WWC1: variants seen among roughly 807,000 people sequenced by gnomAD.
The protein encoded by WWC1 is protein KIBRA.
Under a neutral mutation model 138.4 loss-of-function variants are expected in WWC1, and 55 were observed. The ratio of observed to expected loss-of-function variants is 0.40; its 90% CI spans 0.32 to 0.50. WWC1 has a LOEUF of 0.50. WWC1 is among the 20% of genes least tolerant of loss of function. The pLI, the probability that WWC1 is intolerant of heterozygous loss-of-function variation, is 0.72. For missense variants in WWC1, 1,226 were observed against 1,420.4 expected, an observed-to-expected ratio of 0.86 and a Z score of 2.20; for synonymous variants, 524 against 564.9, an observed-to-expected ratio of 0.93 and a Z score of 1.03.
intron 7 of WWC1, among the ~76,000 whole-genome samples, chr5:168,409,200 T>C (rs1264681634): frequency 6.6e-6 from 1 of 152,178 alleles, no homozygotes; most frequent in African/African-American, 2.4e-5. Flanking sequence ...TCGTAACTTT[T>C]GGAGAGCTTT....
intron 9 of WWC1, among the ~76,000 whole-genome samples, chr5:168,419,104 C>T (rs916842731): frequency 5.3e-5 from 8 of 152,134 alleles, no homozygotes; most frequent in African/African-American, 1.7e-4. Flanking sequence ...TACTGCAGGG[C>T]GTGTGCTGGG....
At chr5:168,403,782 C>T (rs1028474514) in intron 5 of WWC1, among the ~76,000 whole-genome samples, 3 of 151,838 alleles carry the variant, frequency 2.0e-5, no homozygotes, top group Admixed American at 2.0e-4. Context: ...CAGCCTTTGC[C>T]CCACCTCTCT....
chr5:168,468,021 G>A (rs1267542882), intron 22 of WWC1, 57 bp downstream of exon 22: 2 of 1,605,696 alleles, frequency 1.2e-6, no homozygotes, highest in African/African-American at 2.7e-5. Context: ...CACGGCCTTA[G>A]TCTTCTGTCT....
At chr5:168,411,149 A>G (rs529677166) in intron 8 of WWC1, among the ~76,000 whole-genome samples, 1 of 152,030 alleles carries the variant, frequency 6.6e-6, no homozygotes, top group Non-Finnish European at 1.5e-5. Context: ...GGATGGTCTC[A>G]GTCTCCTGAC....
chr5:168,341,834 A>G (rs1240460240), intron 1 of WWC1, among the ~76,000 whole-genome samples: 1 of 152,212 alleles, frequency 6.6e-6, no homozygotes. Context: ...TCACCCACAG[A>G]TAACGGAAGA....
intron 1 of WWC1, among the ~76,000 whole-genome samples, chr5:168,369,561 C>T (rs1271162570): frequency 3.3e-5 from 5 of 152,198 alleles, no homozygotes; most frequent in African/African-American, 4.8e-5. Context: ...TACCACCATA[C>T]CCGGCTAATT....
intron 2 of WWC1, among the ~76,000 whole-genome samples, chr5:168,382,895 G>T (rs1777754958): frequency 6.6e-6 from 1 of 152,124 alleles, no homozygotes; most frequent in South Asian, 2.1e-4. Flanking sequence ...TTGGTCCTAG[G>T]CTGGGCACAG....
At chr5:168,328,801 C>T (rs1772786233) in intron 1 of WWC1, among the ~76,000 whole-genome samples, 1 of 152,154 alleles carries the variant, frequency 6.6e-6, no homozygotes, top group Non-Finnish European at 1.5e-5. Context: ...TCCCAAAGTG[C>T]TGAGATTACA....
At chr5:168,310,566 G>A (rs985901087) in intron 1 of WWC1, among the ~76,000 whole-genome samples, 2 of 152,060 alleles carry the variant, frequency 1.3e-5, no homozygotes, top group African/African-American at 2.4e-5. Flanking sequence ...GGCACAGAGT[G>A]GCTCATGCCT....
intron 1 of WWC1, among the ~76,000 whole-genome samples, chr5:168,314,782 G>A (rs1771428566): frequency 6.6e-6 from 1 of 152,172 alleles, no homozygotes; most frequent in African/African-American, 2.4e-5. Flanking sequence ...TTCACGGGCT[G>A]CAGAGAGAGT....
intron 1 of WWC1, among the ~76,000 whole-genome samples, chr5:168,370,777 C>A (rs6891744): frequency 0.2 from 30,179 of 152,148 alleles, 3,303 homozygotes; most frequent in East Asian, 0.41. Flanking sequence ...TTGATCCCCA[C>A]AAGATGGGGA....
At chr5:168,307,751 C>G (rs781464632) in intron 1 of WWC1, among the ~76,000 whole-genome samples, 8 of 151,800 alleles carry the variant, frequency 5.3e-5, no homozygotes, top group Non-Finnish European at 8.8e-5. Flanking sequence ...ACTACAGGTG[C>G]CTGCCACCAC....
At chr5:168,465,278 C>T (rs909385715) in intron 21 of WWC1, among the ~76,000 whole-genome samples, 1 of 152,178 alleles carries the variant, frequency 6.6e-6, no homozygotes, top group African/African-American at 2.4e-5. Context: ...GTAGGGTACC[C>T]AGTCTGTGCC....
chr5:168,307,971 T>G (rs1426238741), intron 1 of WWC1, among the ~76,000 whole-genome samples: 1 of 152,196 alleles, frequency 6.6e-6, no homozygotes, highest in Admixed American at 6.5e-5. Flanking sequence ...TTATTTGGTA[T>G]GAAAGGCTTC....
chr5:168,350,607 C>G (rs538354188), intron 1 of WWC1, among the ~76,000 whole-genome samples: 1 of 152,152 alleles, frequency 6.6e-6, no homozygotes, highest in African/African-American at 2.4e-5. Context: ...TTTTCTCCAC[C>G]CCAACATAAA....
chr5:168,423,149 CAAAAAAAA>C (rs773855632), intron 10 of WWC1, among the ~76,000 whole-genome samples: 1 of 71,298 alleles, frequency 1.4e-5, no homozygotes, highest in Non-Finnish European at 2.5e-5. Flanking sequence ...CATCCCCCCC[CAAAAAAAA>C]AAAAAAAAAA....
chr5:168,402,488 T>C (rs1779381375), intron 5 of WWC1, among the ~76,000 whole-genome samples: 1 of 151,964 alleles, frequency 6.6e-6, no homozygotes, highest in African/African-American at 2.4e-5. Context: ...TCCTTGAGAG[T>C]GGGCTGGGGT....
At chr5:168,375,731 C>T (rs1447842493) in intron 2 of WWC1, among the ~76,000 whole-genome samples, 6 of 151,832 alleles carry the variant, frequency 4.0e-5, no homozygotes, top group African/African-American at 9.7e-5. Flanking sequence ...CCCGCCACCA[C>T]GCCCAGCTCA....
chr5:168,305,239 A>G (rs1473088760), intron 1 of WWC1, among the ~76,000 whole-genome samples: 1 of 150,918 alleles, frequency 6.6e-6, no homozygotes, highest in Non-Finnish European at 1.5e-5. Context: ...AAGTGTTGGG[A>G]TTACAGGCAT....
Sources: gnomAD v4.1 joint callset for allele counts (sites outside exome capture counted in the v4.1 genomes callset) on GRCh38, gnomAD v4.1.1 for gene constraint, MANE v1.5 for transcripts, NCBI Gene and HGNC (gene_info 2026-07-23, HGNC 2026-07-21) for gene names.